Variants in SRGAP1 observed in about 807,000 individuals in gnomAD.
SRGAP1 encodes SLIT-ROBO Rho GTPase activating protein 1.
Under a neutral mutation model 121.9 loss-of-function variants are expected in SRGAP1, and 43 were observed. The ratio of observed to expected loss-of-function variants is 0.35; its 90% confidence interval spans 0.28 to 0.46. The LOEUF is 0.46. Among genes scored for constraint, SRGAP1 ranks in the 20% least tolerant of loss-of-function variants. The pLI is 1.00. For missense variants in SRGAP1, 1,102 were observed against 1,350.9 expected, an observed-to-expected ratio of 0.82 and a Z score of 2.89; for synonymous variants, 447 against 485.4, an observed-to-expected ratio of 0.92 and a Z score of 1.04.
intron 18 of SRGAP1, 41 bp downstream of exon 18, chr12:64,115,934 ATCCCT>A: frequency 3.3e-6 from 5 of 1,534,302 alleles, no homozygotes; most frequent in Non-Finnish European, 3.6e-6. Flanking sequence ...CAGTCTTTAT[ATCCCT>A]ATTGTAAACA....
chr12:64,058,375 TGAG>T (rs1185847267), intron 6 of SRGAP1, among the ~76,000 whole-genome samples: 1 of 152,220 alleles, frequency 6.6e-6, no homozygotes, highest in Non-Finnish European at 1.5e-5. Context: ...CATTGTAAAT[TGAG>T]GAGCGTCTGT....
At chr12:63,865,290 G>A (rs1023909890) in intron 1 of SRGAP1, among the ~76,000 whole-genome samples, 75 of 152,014 alleles carry the variant, frequency 4.9e-4, no homozygotes, top group African/African-American at 1.8e-3. Flanking sequence ...CCAACATGGC[G>A]AAACCCCGTC....
intron 21 of SRGAP1, among the ~76,000 whole-genome samples, chr12:64,133,232 C>T (rs1476968798): frequency 2.0e-5 from 3 of 152,202 alleles, no homozygotes; most frequent in Non-Finnish European, 4.4e-5. Context: ...CTAGGTAAAG[C>T]CTGCTCTAAT....
At chr12:63,858,747 C>G (rs986236761) in intron 1 of SRGAP1, among the ~76,000 whole-genome samples, 12 of 152,070 alleles carry the variant, frequency 7.9e-5, no homozygotes, top group African/African-American at 2.4e-4. Context: ...CTCTTGTTGC[C>G]AGGCTGGAGT....
In SRGAP1 at chr12:63,870,826, A is replaced by G. The variant is rs562326865; in HGVS notation, c.67+25943A>G. On this transcript the variant is annotated intron_variant, in intron 1 of 21. Transcript: ENST00000355086. Reference sequence around the variant, plus strand: ...CCTCCACAATATTCCATTGAGTCCAATGTGTCCCAAAGTGCTGGGATTAGG... The same window carrying G: ...CCTCCACAATATTCCATTGAGTCCAGTGTGTCCCAAAGTGCTGGGATTAGG... Among the ~76,000 whole-genome samples the G allele has an allele frequency of 1.2e-4, 18 of 152,240 alleles. No homozygotes were observed. In the South Asian group the frequency reaches 1.9e-3, roughly 16 times the overall value.
intron 1 of SRGAP1, among the ~76,000 whole-genome samples, chr12:63,943,026 G>A (rs1592966596): frequency 6.6e-6 from 1 of 152,316 alleles, no homozygotes; most frequent in South Asian, 2.1e-4. Flanking sequence ...TCCCAAGTTC[G>A]TATGTTTCTC....
intron 1 of SRGAP1, among the ~76,000 whole-genome samples, chr12:63,946,977 C>T (rs1345415070): frequency 6.6e-6 from 1 of 151,790 alleles, no homozygotes; most frequent in East Asian, 1.9e-4. Flanking sequence ...TATATAGTTT[C>T]TTTTTATTGT....
At chr12:63,848,413 C>T (rs1223020772) in intron 1 of SRGAP1, among the ~76,000 whole-genome samples, 3 of 151,884 alleles carry the variant, frequency 2.0e-5, no homozygotes, top group East Asian at 1.9e-4. Context: ...GGTGATAATT[C>T]GTAATTTTAT....
chr12:64,012,947 A>T (rs949832196), intron 3 of SRGAP1, among the ~76,000 whole-genome samples: 2 of 152,278 alleles, frequency 1.3e-5, no homozygotes, highest in African/African-American at 4.8e-5. Context: ...TGTGTTGCCC[A>T]GGCTGGTGTT....
intron 4 of SRGAP1, among the ~76,000 whole-genome samples, chr12:64,038,309 A>G (rs1593067123): frequency 6.6e-6 from 1 of 152,266 alleles, no homozygotes. Context: ...TATATATAGT[A>G]AATACTCAAT....
chr12:63,988,012 A>G (rs1008092284), intron 2 of SRGAP1, among the ~76,000 whole-genome samples: 7 of 152,230 alleles, frequency 4.6e-5, no homozygotes, highest in African/African-American at 1.7e-4. Context: ...TCTCATAGCT[A>G]GTAAGGGGTA....
At chr12:63,992,870 A>G in intron 3 of SRGAP1, among the ~76,000 whole-genome samples, 1 of 152,152 alleles carries the variant, frequency 6.6e-6, no homozygotes, top group East Asian at 1.9e-4. Flanking sequence ...TTTGGCATTT[A>G]GTAGGGGGAA....
chr12:64,016,780 A>G (rs146980454), intron 3 of SRGAP1, among the ~76,000 whole-genome samples, 170 bp from the exon 4 acceptor site: 24 of 152,320 alleles, frequency 1.6e-4, no homozygotes, highest in Non-Finnish European at 2.6e-4. Context: ...TCTTATGGGG[A>G]CCATCTGTAT....
At chr12:64,108,085 G>A (rs907897567) in intron 15 of SRGAP1, among the ~76,000 whole-genome samples, 2 of 152,174 alleles carry the variant, frequency 1.3e-5, no homozygotes, top group African/African-American at 2.4e-5. Context: ...CCTGCCTACT[G>A]CAAAGTTTAT....
At chr12:63,916,148 T>A (rs2030768614) in intron 1 of SRGAP1, among the ~76,000 whole-genome samples, 1 of 147,274 alleles carries the variant, frequency 6.8e-6, no homozygotes, top group Non-Finnish European at 1.5e-5. Flanking sequence ...TCCTCCCACC[T>A]CACCCTCTCG....
Position 63,989,965 on chromosome 12 carries a change from G to A in SRGAP1, c.319G>A (p.Val107Ile), listed in dbSNP as rs767479590. 2 of 1,613,826 alleles carry A rather than the reference G, an allele frequency of 1.2e-6. No individual in the cohort carries two copies. Among genetic ancestry groups the A allele is most frequent in the Non-Finnish European group, 1.7e-6 (2 of 1,179,758 alleles). Residue 107 changes from valine to isoleucine, a missense_variant, in exon 3 of 22, where the codon GTA becomes ATA. Val to Ile is a conservative substitution (Grantham distance 29). Coordinates refer to ENST00000355086, the MANE Select transcript of SRGAP1 (RefSeq NM_020762.4). The part of the protein sequence containing the change: ...VNCWYLLLNQ[V>I]RRESKDHATL... ...CTGCTGGTATTTGCTCCTGAACCAA[G>A]TAAGGAGAGAAAGCAAAGACCATGC...
intron 1 of SRGAP1, among the ~76,000 whole-genome samples, chr12:63,934,344 T>C (rs1397318024): frequency 2.0e-5 from 3 of 152,140 alleles, no homozygotes; most frequent in East Asian, 3.9e-4. Context: ...GTCAGTCCCA[T>C]TGGGTTGGCC....
intron 9 of SRGAP1, 147 bp from the exon 10 acceptor site, chr12:64,080,139 A>G: frequency 3.4e-6 from 2 of 585,482 alleles, no homozygotes; most frequent in Non-Finnish European, 5.9e-6. Context: ...GCTACTCAGG[A>G]GGCTGAGGCA....
intron 4 of SRGAP1, among the ~76,000 whole-genome samples, chr12:64,019,455 T>C (rs1414968606): frequency 6.6e-6 from 1 of 152,182 alleles, no homozygotes; most frequent in East Asian, 1.9e-4. Flanking sequence ...AATTATGTCA[T>C]CTGTAGATCA....
Sources: gnomAD v4.1 joint callset for allele counts (sites outside exome capture counted in the v4.1 genomes callset) on GRCh38, gnomAD v4.1.1 for gene constraint, MANE v1.5 for transcripts, NCBI Gene and HGNC (gene_info 2026-07-23, HGNC 2026-07-21) for gene names.